CEP112: variants seen among roughly 807,000 people sequenced by gnomAD.
The protein encoded by CEP112 is centrosomal protein 112, also known as centrosomal protein of 112 kDa.
In CEP112, 127 loss-of-function variants were observed where a neutral mutation model predicts 153.0. That is an observed-to-expected ratio of 0.83 (90% CI 0.72 to 0.96). The LOEUF (loss-of-function observed/expected upper bound fraction) is 0.96, where lower values mean the gene tolerates loss of function less well. Among genes scored for constraint, CEP112 ranks in the 40% least tolerant of loss-of-function variants. The probability of loss-of-function intolerance (pLI) is 0.00; values close to 1 mark genes in which losing one functional copy is unlikely to be tolerated. For synonymous variants in CEP112, 358 were observed against 374.4 expected (o/e 0.96, Z 0.51); for missense variants, 1,089 against 1,101.2 (o/e 0.99, Z 0.16).
intron 21 of CEP112, among the ~76,000 whole-genome samples, chr17:65,836,818 T>G (rs2057323057): frequency 2.1e-5 from 3 of 143,468 alleles, no homozygotes; most frequent in African/African-American, 2.5e-5. Flanking sequence ...CCTCTCCCCA[T>G]CCCCTTCCCC....
chr17:65,905,875 G>A (rs961102959), intron 19 of CEP112, among the ~76,000 whole-genome samples: 5 of 151,996 alleles, frequency 3.3e-5, no homozygotes, highest in African/African-American at 1.2e-4. Flanking sequence ...AACCCGGGGG[G>A]CGGAGCTTGC....
At chr17:65,923,892 T>G (rs529527984) in intron 19 of CEP112, among the ~76,000 whole-genome samples, 1 of 152,352 alleles carries the variant, frequency 6.6e-6, no homozygotes, top group South Asian at 2.1e-4. Context: ...CAATATGTCT[T>G]AGAAATCTGC....
chr17:66,006,835 G>A lies in CEP112; in HGVS notation c.1657-1066C>T, dbSNP rs566189250. Reference sequence around the variant, plus strand: ...GTTACTTGGTGGGGTGGGAAAACCCGCTACAGACCTGCTGGTAAGCAAGGT... The same window carrying A: ...GTTACTTGGTGGGGTGGGAAAACCCACTACAGACCTGCTGGTAAGCAAGGT... On this transcript the variant is annotated intron_variant, in intron 16 of 26. Coordinates refer to ENST00000535342, the MANE Select transcript of CEP112 (RefSeq NM_001199165.4). Among the ~76,000 whole-genome samples, 296 of 151,286 alleles carry A rather than the reference G, an allele frequency of 2.0e-3. 1 individual carries two copies. Among genetic ancestry groups the A allele is most frequent in the African/African-American group, 7.0e-3 (286 of 41,024 alleles).
At chr17:65,742,496 T>C (rs2051194963) in intron 23 of CEP112, among the ~76,000 whole-genome samples, 1 of 152,204 alleles carries the variant, frequency 6.6e-6, no homozygotes, top group African/African-American at 2.4e-5. Context: ...TGCCTATCAC[T>C]GAAAGAATCG....
chr17:65,864,248 C>T (rs2058409235), intron 20 of CEP112, among the ~76,000 whole-genome samples: 2 of 152,100 alleles, frequency 1.3e-5, no homozygotes, highest in Admixed American at 1.3e-4. Flanking sequence ...GTCCACCTAA[C>T]TATCCATTAC....
In CEP112 at chr17:65,675,656, C is replaced by A. The variant is rs192809535; in HGVS notation, c.2697+13473G>T. ...ATAAAAGAAAACTATAGGCCAATAT[C>A]CCTGAGAAACATAGATGCAAAAATC... On this transcript the variant is annotated intron_variant, in intron 24 of 26. Transcript: ENST00000535342. Among the ~76,000 whole-genome samples the A allele has an allele frequency of 3.3e-5, 5 of 152,010 alleles. No homozygotes were observed. In the East Asian group the frequency reaches 9.6e-4, roughly 29 times the overall value.
chr17:65,775,952 C>T (rs1322235396), intron 21 of CEP112, among the ~76,000 whole-genome samples: 2 of 152,230 alleles, frequency 1.3e-5, no homozygotes, highest in African/African-American at 4.8e-5. Context: ...TAATCAGTGA[C>T]GACTGGCTTT....
chr17:66,093,397 T>C (rs1182778052), intron 8 of CEP112, among the ~76,000 whole-genome samples: 1 of 151,984 alleles, frequency 6.6e-6, no homozygotes, highest in Non-Finnish European at 1.5e-5. Flanking sequence ...ATGGTCTCTA[T>C]TTACAGACGA....
rs73346834 is a variant in CEP112, at chr17:65,913,907, G to A, written c.1981-11573C>T. The A allele has an allele frequency of 2.5e-3, 2,472 of 978,036 alleles. 58 individuals carry two copies. In the African/African-American group the frequency reaches 0.04, roughly 16 times the overall value. The allele number at this position is 978,036 out of a possible 1,614,324, so 60.6% of individuals were successfully genotyped here. A position where few individuals can be genotyped will look rare whatever the true frequency, so the allele number is the denominator to read the frequency against. On this transcript the variant is annotated intron_variant, in intron 19 of 26. Transcript: ENST00000535342. ...CAAAACACTTCTCCAGCACCTGTAG[G>A]TGATGAGTGACAATTATCCTGAGTT... is the stretch of plus-strand genomic sequence containing the variant.
chr17:65,991,255 T>G (rs1211489284), intron 17 of CEP112, among the ~76,000 whole-genome samples: 1 of 152,218 alleles, frequency 6.6e-6, no homozygotes, highest in Non-Finnish European at 1.5e-5. Context: ...TCTAGGTAAG[T>G]GGAATCCAAG....
intron 6 of CEP112, among the ~76,000 whole-genome samples, chr17:66,102,438 A>G (rs991482709): frequency 6.6e-5 from 10 of 152,296 alleles, no homozygotes; most frequent in African/African-American, 2.4e-4. Context: ...AATGAAAATA[A>G]TATATTGTGG....
At chr17:65,928,342 T>C (rs2061002920) in intron 18 of CEP112, among the ~76,000 whole-genome samples, 1 of 152,168 alleles carries the variant, frequency 6.6e-6, no homozygotes, top group African/African-American at 2.4e-5. Context: ...TATAAAATGG[T>C]ATAGACATGC....
chr17:65,956,485 TCAAC>T (rs2062008512), intron 18 of CEP112, among the ~76,000 whole-genome samples: 1 of 151,622 alleles, frequency 6.6e-6, no homozygotes, highest in Non-Finnish European at 1.5e-5. Flanking sequence ...GGCATTCACA[TCAAC>T]CTGGATGTTA....
intron 21 of CEP112, among the ~76,000 whole-genome samples, chr17:65,809,364 A>C (rs575495802): frequency 2.4e-4 from 36 of 152,286 alleles, no homozygotes; most frequent in Non-Finnish European, 3.4e-4. Flanking sequence ...GAATTATATA[A>C]TCTCATTTAT....
chr17:65,650,432 A>G (rs2045684517), intron 24 of CEP112, among the ~76,000 whole-genome samples: 1 of 152,130 alleles, frequency 6.6e-6, no homozygotes, highest in Admixed American at 6.5e-5. Context: ...GGCTCCTAGC[A>G]CTTTCCTGGC....
chr17:66,088,555 C>G lies in CEP112; in HGVS notation c.768+7696G>C, dbSNP rs144139320. 4.0e-3 allele frequency among the ~76,000 whole-genome samples: 608 copies of G among 152,082 alleles called. 3 individuals carry two copies. Among genetic ancestry groups the G allele is most frequent in the Middle Eastern group, 0.021 (6 of 292 alleles). On this transcript the variant is annotated intron_variant, in intron 8 of 26. Transcript: ENST00000535342. Reference sequence around the variant, plus strand: ...ATCTGGCCCCAGGCTCCAAGCATAACGCAGGATTCAGAGCCAGGTCAGCCA... The same window carrying G: ...ATCTGGCCCCAGGCTCCAAGCATAAGGCAGGATTCAGAGCCAGGTCAGCCA...
rs1003069443 is a variant in CEP112, at chr17:65,754,746, G to A, written c.2395-4022C>T. Among the ~76,000 whole-genome samples, 9 of 152,314 alleles carry A rather than the reference G, an allele frequency of 5.9e-5. No homozygotes were observed. In the South Asian group the frequency reaches 8.3e-4, roughly 14 times the overall value. ...GCTGTGAGAGAACCAGGTCCTGCAC[G>A]GTGTTGAACGTGATTGTAAGGAATT... On this transcript the variant is annotated intron_variant, in intron 21 of 26. Coordinates refer to ENST00000535342, the MANE Select transcript of CEP112 (RefSeq NM_001199165.4).
chr17:65,826,832 G>A (rs1263212787), intron 21 of CEP112, among the ~76,000 whole-genome samples: 1 of 152,210 alleles, frequency 6.6e-6, no homozygotes, highest in Non-Finnish European at 1.5e-5. Context: ...AATACTGAGT[G>A]TCAACTTGAC....
intron 21 of CEP112, among the ~76,000 whole-genome samples, chr17:65,752,307 G>A (rs1032280297): frequency 1.3e-5 from 2 of 152,114 alleles, no homozygotes; most frequent in African/African-American, 4.8e-5. Flanking sequence ...GTATGGGTTT[G>A]TGGATGGGTG....
Sources: allele counts gnomAD v4.1 joint callset (sites outside exome capture counted in the v4.1 genomes callset), GRCh38; gene constraint gnomAD v4.1.1; transcripts MANE v1.5; gene names NCBI Gene and HGNC (gene_info 2026-07-23, HGNC 2026-07-21).